The following SEL1L2 variants were observed in gnomAD, a reference collection of about 807,000 sequenced individuals.
SEL1L2 encodes SEL1L2 adaptor subunit of SYVN1 ubiquitin ligase.
A neutral mutation model predicts 98.8 loss-of-function variants in SEL1L2; 89 were observed. That is an observed-to-expected ratio of 0.90 (90% CI 0.76 to 1.07). The LOEUF (loss-of-function observed/expected upper bound fraction) is 1.07. SEL1L2 is among the 50% of genes least tolerant of loss of function. SEL1L2 has a pLI of 0.00. For missense variants in SEL1L2, 788 were observed against 812.0 expected, an observed-to-expected ratio of 0.97 and a Z score of 0.36; for synonymous variants, 262 against 278.5, an observed-to-expected ratio of 0.94 and a Z score of 0.59.
At chr20:13,876,451 A>G (rs1186521748) in intron 11 of SEL1L2, among the ~76,000 whole-genome samples, 1 of 127,026 alleles carries the variant, frequency 7.9e-6, no homozygotes, top group Non-Finnish European at 1.6e-5. Context: ...TGTATGTTGC[A>G]CTTAGGAAGC....
At chr20:13,982,762 C>T (rs2051902932) in intron 1 of SEL1L2, among the ~76,000 whole-genome samples, 1 of 151,314 alleles carries the variant, frequency 6.6e-6, no homozygotes, top group African/African-American at 2.4e-5. Context: ...CACGGTGGCT[C>T]ACACCTTAAT....
intron 1 of SEL1L2, among the ~76,000 whole-genome samples, chr20:13,981,048 G>A (rs1044285308): frequency 6.6e-6 from 1 of 152,160 alleles, no homozygotes. Flanking sequence ...TTTGAGAGCA[G>A]CCTTGCCAAC....
At chr20:13,902,699 C>T (rs979589821) in intron 5 of SEL1L2, among the ~76,000 whole-genome samples, 14 of 72,188 alleles carry the variant, frequency 1.9e-4, no homozygotes, top group Non-Finnish European at 4.3e-4. Context: ...TTGCTGGTCC[C>T]TTTTTAGTAG....
At chr20:13,926,210 G>C (rs2048892784) in intron 3 of SEL1L2, among the ~76,000 whole-genome samples, 1 of 152,186 alleles carries the variant, frequency 6.6e-6, no homozygotes, top group East Asian at 1.9e-4. Flanking sequence ...AGCTACTCAG[G>C]AGGCTGAGGC....
chr20:13,906,082 G>A (rs2047918160), intron 5 of SEL1L2, among the ~76,000 whole-genome samples: 2 of 151,846 alleles, frequency 1.3e-5, no homozygotes, highest in African/African-American at 4.8e-5. Flanking sequence ...CACTATGTTG[G>A]CCAGGCTGGT....
At chr20:13,871,936 G>A (rs1212484148) in intron 12 of SEL1L2, among the ~76,000 whole-genome samples, 4 of 152,238 alleles carry the variant, frequency 2.6e-5, no homozygotes, top group South Asian at 4.1e-4. Context: ...TTTAGTTATT[G>A]TAGATGCAGC....
intron 3 of SEL1L2, among the ~76,000 whole-genome samples, chr20:13,920,537 A>C (rs757290481): frequency 6.6e-6 from 1 of 151,728 alleles, no homozygotes; most frequent in East Asian, 1.9e-4. Flanking sequence ...CAATGTGTGC[A>C]TATGCACACA....
At chr20:13,865,556 A>C in intron 15 of SEL1L2, 42 bp from the exon 16 acceptor site, 1 of 1,540,810 alleles carries the variant, frequency 6.5e-7, no homozygotes, top group Non-Finnish European at 8.9e-7. Context: ...GTTAGCCAGT[A>C]TGCTTCACCC....
At chr20:13,877,621 C>T (rs1226242727) in intron 10 of SEL1L2, 33 bp from the exon 11 acceptor site, 1 of 1,548,754 alleles carries the variant, frequency 6.5e-7, no homozygotes, top group East Asian at 2.2e-5. Context: ...TATTGCTAGT[C>T]ACAAAATAAA....
chr20:13,905,095 T>C (rs1172259451), intron 5 of SEL1L2, among the ~76,000 whole-genome samples: 1 of 152,152 alleles, frequency 6.6e-6, no homozygotes, highest in Admixed American at 6.6e-5. Flanking sequence ...ACCATGCTTT[T>C]ACCAGCCTCA....
intron 5 of SEL1L2, among the ~76,000 whole-genome samples, chr20:13,900,887 T>C (rs1174622136): frequency 2.0e-5 from 3 of 152,134 alleles, no homozygotes; most frequent in Non-Finnish European, 4.4e-5. Flanking sequence ...CAGCTAGAGT[T>C]TTGTCCCCAT....
intron 2 of SEL1L2, among the ~76,000 whole-genome samples, chr20:13,950,404 G>A (rs1486738390): frequency 1.3e-5 from 2 of 152,122 alleles, no homozygotes; most frequent in Non-Finnish European, 2.9e-5. Context: ...AAAAGATCCT[G>A]TGGTCCTGGG....
intron 1 of SEL1L2, among the ~76,000 whole-genome samples, chr20:13,976,161 C>T (rs1266385323): frequency 3.9e-5 from 6 of 151,974 alleles, no homozygotes. Context: ...GCCACCACAC[C>T]CAGCTAATTT....
chr20:13,914,928 A>G (rs2048339761), intron 4 of SEL1L2, among the ~76,000 whole-genome samples: 1 of 152,192 alleles, frequency 6.6e-6, no homozygotes, highest in African/African-American at 2.4e-5. Flanking sequence ...AGTGATGGAG[A>G]GTCTTGCAAG....
intron 3 of SEL1L2, among the ~76,000 whole-genome samples, chr20:13,928,657 C>T (rs1207092070): frequency 6.6e-6 from 1 of 152,044 alleles, no homozygotes; most frequent in African/African-American, 2.4e-5. Context: ...GGTAAAAGAT[C>T]GGAAGTGATA....
intron 17 of SEL1L2, among the ~76,000 whole-genome samples, chr20:13,860,632 C>A (rs1260053926): frequency 1.3e-5 from 2 of 152,080 alleles, no homozygotes; most frequent in African/African-American, 4.8e-5. Context: ...TCGCTCCCAA[C>A]TCCTTTTTTT....
chr20:13,961,826 T>C (rs1288172732), intron 1 of SEL1L2, among the ~76,000 whole-genome samples: 1 of 152,172 alleles, frequency 6.6e-6, no homozygotes, highest in Non-Finnish European at 1.5e-5. Flanking sequence ...AGTAGAGGAA[T>C]CTTCCAACAT....
chr20:13,984,290 G>A (rs747042527), intron 1 of SEL1L2, among the ~76,000 whole-genome samples: 2 of 152,168 alleles, frequency 1.3e-5, no homozygotes, highest in Admixed American at 6.5e-5. Flanking sequence ...GGGATTTCAG[G>A]TGTGAGCCAC....
At chr20:13,971,112 T>C (rs1267732244) in intron 1 of SEL1L2, among the ~76,000 whole-genome samples, 2 of 151,998 alleles carry the variant, frequency 1.3e-5, no homozygotes, top group Non-Finnish European at 2.9e-5. Context: ...CATTTGCCCA[T>C]TTTTCTATCA....
Sources: allele counts gnomAD v4.1 joint callset (sites outside exome capture counted in the v4.1 genomes callset), GRCh38; gene constraint gnomAD v4.1.1; transcripts MANE v1.5; gene names NCBI Gene and HGNC (gene_info 2026-07-23, HGNC 2026-07-21).